Variants in PLK4 observed in about 807,000 individuals in gnomAD.
PLK4 encodes the protein polo like kinase 4.
A neutral mutation model predicts 103.0 loss-of-function variants in PLK4; 51 were observed. The observed-to-expected ratio is 0.50, with a 90% CI of 0.40 to 0.63. The LOEUF is 0.63. Ranked by LOEUF, PLK4 falls within the 20% of genes least tolerant of loss-of-function variation. PLK4 has a pLI of 0.00. For missense variants in PLK4, 1,054 were observed against 1,151.0 expected (o/e 0.92, Z 1.22); for synonymous variants, 389 against 376.8 (o/e 1.03, Z -0.38).
intron 14 of PLK4, 137 bp from the exon 15 acceptor site, chr4:127,896,664 C>T (rs571058194): frequency 1.3e-4 from 57 of 441,960 alleles, no homozygotes; most frequent in Middle Eastern, 1.1e-3. Context: ...TTTTTTTTAA[C>T]TGTGGAAAAC....
chr4:127,894,106 TC>T (rs1331678962), intron 13 of PLK4, among the ~76,000 whole-genome samples: 2 of 152,218 alleles, frequency 1.3e-5, no homozygotes, highest in African/African-American at 4.8e-5. Flanking sequence ...GACCTGGAAC[TC>T]TTTTCCCCAA....
In PLK4 at chr4:127,890,155, G is replaced by C; in HGVS notation, c.1749G>C (p.Gln583His). ...TRGMEPPWGY[Q>H]NRTLRSITSP... The stretch of plus-strand genomic sequence containing the variant: ...GTATGGAGCCACCATGGGGTTATCA[G>C]AATCGTACATTAAGAAGCATTACAT... The change falls in exon 7 of 16, where the codon CAG (glutamine) becomes CAC (histidine). Residue 583 changes from glutamine to histidine, a missense_variant. Physicochemically the swap from Gln to His is conservative, Grantham distance 24. Around this residue, in one of 4 missense-constraint regions of PLK4, gnomAD observed 680 missense variants for 660.3 expected, o/e 1.03. Coordinates refer to ENST00000270861, the MANE Select transcript of PLK4 (RefSeq NM_014264.5). 6.2e-7 allele frequency: 1 copy of C among 1,613,944 alleles called. No homozygotes were observed. The highest frequency in any genetic ancestry group is 8.5e-7 in the Non-Finnish European group (1 of 1,179,832).
Position 127,898,441 on chromosome 4 carries a change from A to G in PLK4, c.2813A>G (p.Tyr938Cys), listed in dbSNP as rs1415130944. ...TTTTTTTCTTTTGCTTCACTTAGGTATGGAGAAAATGAAAAATTACCAGAC... is the reference window on the plus strand; with the variant it reads ...TTTTTTTCTTTTGCTTCACTTAGGTGTGGAGAAAATGAAAAATTACCAGAC... ...YTSPNGQTTR[Y>C]GENEKLPDYI... Residue 938 changes from tyrosine to cysteine, a missense_variant and splice_region_variant, in exon 16 of 16, where the codon TAT becomes TGT. Coordinates refer to ENST00000270861, the MANE Select transcript of PLK4 (RefSeq NM_014264.5). The G allele has an allele frequency of 3.5e-6, 5 of 1,420,698 alleles. No individual in the cohort carries two copies. Among genetic ancestry groups the G allele is most frequent in the South Asian group, 1.2e-5 (1 of 84,098 alleles). 88.0% of individuals were successfully genotyped at this position (1,420,698 alleles called of 1,614,324 possible). A position where few individuals can be genotyped will look rare whatever the true frequency, so the allele number is the denominator to read the frequency against.
In PLK4 at chr4:127,894,969, G is replaced by T; in HGVS notation, c.2579G>T (p.Gly860Val). ...ILNPSMVTNE[G>V]LGLTTTASGT... ...TCTTTGTAGATGGTTACAAATGAAG[G>T]ACTTGGTCTTACAACTACAGCTTCT... Residue 860 changes from glycine (G) to valine (V), a missense_variant, in exon 14 of 16, where the codon GGA becomes GTA. This residue lies in a region of PLK4 where 167 missense variants were observed against 200.7 expected (regional missense o/e 0.83). Coordinates refer to ENST00000270861, the MANE Select transcript of PLK4 (RefSeq NM_014264.5). The T allele has an allele frequency of 6.2e-7, 1 of 1,602,674 alleles. No homozygotes were observed.
At position 127,886,536 on chromosome 4, in the gene PLK4, C is replaced by G; in HGVS notation, c.1166C>G (p.Ser389Cys). The stretch of plus-strand genomic sequence containing the variant: ...AGATCTGGCACTTCTAATAGTCAGT[C>G]TCAAGCAAAAACATATACAATGGAA... ...SDRSGTSNSQSQAKTYTMERC... is the reference protein window; with the variant it reads ...SDRSGTSNSQCQAKTYTMERC... Residue 389 changes from serine to cysteine, a missense_variant, in exon 5 of 16, where the codon TCT becomes TGT. Ser to Cys is a moderately radical substitution (Grantham distance 112, BLOSUM62 -1). Coordinates refer to ENST00000270861, the MANE Select transcript of PLK4 (RefSeq NM_014264.5). 1 of 1,613,980 alleles carries G rather than the reference C, an allele frequency of 6.2e-7. No individual in the cohort carries two copies. The highest frequency in any genetic ancestry group is 8.5e-7 in the Non-Finnish European group (1 of 1,179,922).
intron 7 of PLK4, among the ~76,000 whole-genome samples, chr4:127,890,744 T>G (rs1377233331): frequency 6.6e-6 from 1 of 152,164 alleles, no homozygotes; most frequent in Non-Finnish European, 1.5e-5. Context: ...TTTTTTTAAT[T>G]CTATCTTTAT....
Position 127,886,184 on chromosome 4 carries a change from A to G in PLK4, c.814A>G (p.Lys272Glu). 1 of 1,614,076 alleles carries G rather than the reference A, an allele frequency of 6.2e-7. No individual in the cohort carries two copies. The highest frequency in any genetic ancestry group is 8.5e-7 in the Non-Finnish European group (1 of 1,179,998). The stretch of plus-strand genomic sequence containing the variant: ...TTTTATGTCCCGAAATTCTTCAACA[A>G]AAAGTAAAGATTTAGGAACTGTGGA... ...HPFMSRNSST[K>E]SKDLGTVEDS... The change falls in exon 5 of 16, where the codon AAA (lysine) becomes GAA (glutamate). Residue 272 changes from lysine (K) to glutamate (E), a missense_variant. Physicochemically the swap from Lys to Glu is moderately conservative, Grantham distance 56. Around this residue, in one of 4 missense-constraint regions of PLK4, gnomAD observed 680 missense variants for 660.3 expected, o/e 1.03. Coordinates refer to ENST00000270861, the MANE Select transcript of PLK4 (RefSeq NM_014264.5).
In PLK4 at chr4:127,885,693, T is replaced by C. The variant is rs1185902267; in HGVS notation, c.338-15T>C. ...GTTTCTAAATTGTAAATTCTCTTTT[T>C]TAAAATCCTAACAGCTCGACACTTC... On this transcript the variant is annotated splice_polypyrimidine_tract_variant and intron_variant, in intron 4 of 15. Coordinates refer to ENST00000270861, the MANE Select transcript of PLK4 (RefSeq NM_014264.5). 1 of 1,573,330 alleles carries C rather than the reference T, an allele frequency of 6.4e-7. No homozygotes were observed. The highest frequency in any genetic ancestry group is 8.6e-7 in the Non-Finnish European group (1 of 1,162,456).
chr4:127,884,708 G>A (rs939465542), intron 4 of PLK4, among the ~76,000 whole-genome samples: 2 of 152,148 alleles, frequency 1.3e-5, no homozygotes, highest in African/African-American at 4.8e-5. Flanking sequence ...GGAGGCTGAG[G>A]TGGATGGATC....
At position 127,889,853 on chromosome 4, in the gene PLK4, A is replaced by G. The variant is rs950450801; in HGVS notation, c.1460-13A>G. 6 of 1,548,024 alleles carry G rather than the reference A, an allele frequency of 3.9e-6. No individual in the cohort carries two copies. Among genetic ancestry groups the G allele is most frequent in the Middle Eastern group, 1.7e-4 (1 of 5,772 alleles). On this transcript the variant is annotated splice_polypyrimidine_tract_variant and intron_variant, in intron 6 of 15. Transcript: ENST00000270861. ...GTTATTTACTAAATTGCTTCATTCTATGTATATTGTAGCTCATTTAAGAAA... is the reference window on the plus strand; with the variant it reads ...GTTATTTACTAAATTGCTTCATTCTGTGTATATTGTAGCTCATTTAAGAAA...
intron 13 of PLK4, 135 bp downstream of exon 13, chr4:127,894,016 T>C (rs1372551354): frequency 1.7e-6 from 1 of 593,430 alleles, no homozygotes; most frequent in South Asian, 2.3e-5. Context: ...CTTTATCCCA[T>C]ACTATTTATG....
At position 127,886,280 on chromosome 4, in the gene PLK4, G is replaced by A. The variant is rs767450755; in HGVS notation, c.910G>A (p.Gly304Ser). The change falls in exon 5 of 16, where the codon GGT becomes AGT. Residue 304 changes from glycine (G) to serine (S), a missense_variant. Physicochemically the swap from Gly to Ser is moderately conservative, Grantham distance 56 (BLOSUM62 0). Around this residue, in one of 4 missense-constraint regions of PLK4, gnomAD observed 680 missense variants for 660.3 expected, o/e 1.03. Coordinates refer to ENST00000270861, the MANE Select transcript of PLK4 (RefSeq NM_014264.5). ...ITASSSTSIS[G>S]SLFDKRRLLI... ...AGCTTCTTCCAGTACCAGTATAAGT[G>A]GTAGTTTATTTGACAAAAGAAGACT... 49 of 1,613,672 alleles carry A rather than the reference G, an allele frequency of 3.0e-5. No individual in the cohort carries two copies. Among genetic ancestry groups the A allele is most frequent in the Non-Finnish European group, 4.1e-5 (48 of 1,179,770 alleles).
chr4:127,882,714 C>T (rs1019556052), intron 2 of PLK4, among the ~76,000 whole-genome samples: 1 of 151,902 alleles, frequency 6.6e-6, no homozygotes, highest in Non-Finnish European at 1.5e-5. Context: ...GCTGAGATCG[C>T]GCCATTGCAC....
chr4:127,881,626 C>G (rs1054623374), intron 1 of PLK4, among the ~76,000 whole-genome samples: 2 of 152,164 alleles, frequency 1.3e-5, no homozygotes, highest in African/African-American at 4.8e-5. Flanking sequence ...TCACCCTGAG[C>G]TTCCAGTCCA....
chr4:127,884,088 A>T (rs1311577638), intron 4 of PLK4, among the ~76,000 whole-genome samples: 1 of 152,218 alleles, frequency 6.6e-6, no homozygotes, highest in African/African-American at 2.4e-5. Flanking sequence ...GAAATATTTC[A>T]AAGTATAGAC....
chr4:127,894,815 G>A, intron 13 of PLK4, 138 bp from the exon 14 acceptor site: 1 of 540,818 alleles, frequency 1.8e-6, no homozygotes, highest in Non-Finnish European at 3.2e-6. Context: ...TTCCAATAAT[G>A]TGGTTATATT....
Position 127,886,743 on chromosome 4 carries a change from A to G in PLK4, c.1358+15A>G, listed in dbSNP as rs769006836. On this transcript the variant is annotated intron_variant, in intron 5 of 15. Transcript: ENST00000270861. ...AATCAAGCACTGTAAGAATAATTCT[A>G]TCAGAGGCATTTTGTTTTTTGGTAA... The G allele has an allele frequency of 3.3e-6, 5 of 1,535,390 alleles. No individual in the cohort carries two copies. The highest frequency in any genetic ancestry group is 2.2e-5 in the East Asian group (1 of 44,466).
At position 127,886,424 on chromosome 4, in the gene PLK4, A is replaced by G. The variant is rs753364816; in HGVS notation, c.1054A>G (p.Thr352Ala). ...TTATACTCAGTGGGGAAATCAAGAA[A>G]CCAGTAATAGTGGAAGGGGAAGAGT... ...SFYTQWGNQETSNSGRGRVIQ... is the reference protein window; with the variant it reads ...SFYTQWGNQEASNSGRGRVIQ... Residue 352 changes from threonine (T) to alanine (A), a missense_variant, in exon 5 of 16, where the codon ACC becomes GCC. Physicochemically the swap from Thr to Ala is moderately conservative, Grantham distance 58 (BLOSUM62 0). Transcript: ENST00000270861. 3 of 1,614,148 alleles carry G rather than the reference A, an allele frequency of 1.9e-6. No homozygotes were observed. The highest frequency in any genetic ancestry group is 2.5e-6 in the Non-Finnish European group (3 of 1,179,972).
intron 13 of PLK4, 60 bp from the exon 14 acceptor site, chr4:127,894,893 C>T (rs1160989645): frequency 5.3e-6 from 6 of 1,132,278 alleles, no homozygotes; most frequent in East Asian, 2.8e-5. Context: ...TCTGCTTTTG[C>T]TGAATGTGGC....
Sources: gnomAD v4.1 joint callset for allele counts (sites outside exome capture counted in the v4.1 genomes callset) on GRCh38, gnomAD v4.1.1 for gene constraint, gnomAD v4.1.1 regional missense constraint, MANE v1.5 for transcripts, NCBI Gene and HGNC (gene_info 2026-07-23, HGNC 2026-07-21) for gene names.